CERKL: variants seen among roughly 807,000 people sequenced by gnomAD.
CERKL encodes CERK like autophagy regulator.
CERKL carries 61 observed loss-of-function variants against 63.4 expected under a neutral mutation model. That is an observed-to-expected ratio of 0.96 (90% CI 0.78 to 1.19). CERKL has a LOEUF of 1.19. Among genes scored for constraint, CERKL ranks in the 50% most tolerant of loss-of-function variants. CERKL has a pLI of 0.00. For missense variants in CERKL, 675 were observed against 655.5 expected (o/e 1.03, Z -0.33); for synonymous variants, 250 against 230.5 (o/e 1.08, Z -0.77).
chr2:181,634,330 C>A lies in CERKL; in HGVS notation c.238+22439G>T, dbSNP rs989798656. On this transcript the variant is annotated intron_variant, in intron 1 of 12. Coordinates refer to ENST00000410087, the MANE Select transcript of CERKL (RefSeq NM_201548.5). ...AAACATAAGCATATGTTAAAGAAAT[C>A]TGACACTATCATGGAATCAGTTGGT... Among the ~76,000 whole-genome samples the A allele has an allele frequency of 2.6e-5, 4 of 152,138 alleles. 1 individual carries two copies. The highest frequency in any genetic ancestry group is 9.7e-5 in the African/African-American group (4 of 41,444).
At chr2:181,585,360 G>A (rs539200513) in intron 2 of CERKL, among the ~76,000 whole-genome samples, 8 of 152,118 alleles carry the variant, frequency 5.3e-5, no homozygotes, top group Non-Finnish European at 1.0e-4. Flanking sequence ...TTATAAAGCT[G>A]CGATTTCAAC....
At chr2:181,613,965 T>C (rs1686081697) in intron 1 of CERKL, among the ~76,000 whole-genome samples, 1 of 152,256 alleles carries the variant, frequency 6.6e-6, no homozygotes, top group Admixed American at 6.5e-5. Context: ...GGAATAAAAC[T>C]TGTTAGTATT....
At chr2:181,648,558 G>A (rs909741224) in intron 1 of CERKL, among the ~76,000 whole-genome samples, 1 of 152,178 alleles carries the variant, frequency 6.6e-6, no homozygotes, top group African/African-American at 2.4e-5. Context: ...TGCTACAGCT[G>A]TAAATGAAAA....
intron 11 of CERKL, among the ~76,000 whole-genome samples, chr2:181,543,516 A>G (rs1044942872): frequency 6.6e-6 from 1 of 152,222 alleles, no homozygotes; most frequent in Non-Finnish European, 1.5e-5. Flanking sequence ...CTGACAGATC[A>G]AACTTCATGA....
intron 1 of CERKL, among the ~76,000 whole-genome samples, chr2:181,624,720 G>A (rs534691794): frequency 7.0e-4 from 107 of 152,134 alleles, no homozygotes; most frequent in African/African-American, 2.3e-3. Context: ...TTTGTTGATA[G>A]GTTGGATGTA....
At chr2:181,574,864 C>A (rs1221540796) in intron 2 of CERKL, among the ~76,000 whole-genome samples, 1 of 152,062 alleles carries the variant, frequency 6.6e-6, no homozygotes, top group Non-Finnish European at 1.5e-5. Context: ...ATATTTGATA[C>A]AATAAAGTAT....
At chr2:181,552,887 A>T (rs1015502563) in intron 5 of CERKL, among the ~76,000 whole-genome samples, 2 of 152,082 alleles carry the variant, frequency 1.3e-5, no homozygotes, top group Non-Finnish European at 2.9e-5. Flanking sequence ...TATTTTTAAA[A>T]TGTTGCCTCT....
intron 2 of CERKL, among the ~76,000 whole-genome samples, chr2:181,586,359 A>AT (rs996211307): frequency 5.3e-5 from 8 of 152,280 alleles, no homozygotes; most frequent in African/African-American, 1.7e-4. Context: ...TCAGGTAGTC[A>AT]TGACCTTGCT....
chr2:181,609,714 T>G (rs765539322), intron 1 of CERKL, among the ~76,000 whole-genome samples: 25 of 151,142 alleles, frequency 1.7e-4, no homozygotes, highest in Non-Finnish European at 3.2e-4. Flanking sequence ...AATAAATAAA[T>G]AAATAAATGA....
At chr2:181,540,265 C>T (rs1297549583) in intron 11 of CERKL, among the ~76,000 whole-genome samples, 2 of 152,176 alleles carry the variant, frequency 1.3e-5, no homozygotes, top group Admixed American at 6.5e-5. Context: ...GTTAGACCTC[C>T]TACCTCGGGT....
At chr2:181,648,155 T>C (rs1687746588) in intron 1 of CERKL, among the ~76,000 whole-genome samples, 2 of 152,090 alleles carry the variant, frequency 1.3e-5, no homozygotes, top group South Asian at 2.1e-4. Flanking sequence ...TTGGGGGAGA[T>C]ATAGACATCC....
At chr2:181,640,075 C>T (rs7602326) in intron 1 of CERKL, among the ~76,000 whole-genome samples, 107,264 of 152,016 alleles carry the variant, frequency 0.71, 38,590 homozygotes, top group East Asian at 0.92. Flanking sequence ...AAAACAAAAA[C>T]GCTCACCAAT....
At chr2:181,589,651 C>T (rs1342040258) in intron 2 of CERKL, among the ~76,000 whole-genome samples, 1 of 152,084 alleles carries the variant, frequency 6.6e-6, no homozygotes, top group African/African-American at 2.4e-5. Context: ...TACCTTCTAC[C>T]ATACAAAAAA....
chr2:181,554,466 G>C (rs537339823), intron 5 of CERKL, among the ~76,000 whole-genome samples: 1 of 152,144 alleles, frequency 6.6e-6, no homozygotes, highest in Non-Finnish European at 1.5e-5. Flanking sequence ...AGGAATATAT[G>C]GTTCACAGCC....
Position 181,539,207 on chromosome 2 carries a change from T to C in CERKL, c.1423A>G (p.Asn475Asp). Reference protein sequence around the residue: ...TVEEVKVHPRNNTGGYNPEEE... With the variant: ...TVEEVKVHPRDNTGGYNPEEE... Reference sequence around the variant, plus strand: ...TCTGGATTATATCCACCAGTATTATTCCTTGGATGAACTTTTACTTCCTCA... The same window carrying C: ...TCTGGATTATATCCACCAGTATTATCCCTTGGATGAACTTTTACTTCCTCA... Residue 475 changes from asparagine to aspartate, a missense_variant, in exon 12 of 13, where the codon AAT becomes GAT. Transcript: ENST00000410087. The C allele has an allele frequency of 6.2e-7, 1 of 1,605,756 alleles. No individual in the cohort carries two copies. Among genetic ancestry groups the C allele is most frequent in the Non-Finnish European group, 8.5e-7 (1 of 1,172,592 alleles).
chr2:181,538,567 C>T (rs1402878853), intron 12 of CERKL, among the ~76,000 whole-genome samples: 1 of 152,120 alleles, frequency 6.6e-6, no homozygotes, highest in Non-Finnish European at 1.5e-5. Flanking sequence ...ACAATGCCTA[C>T]CAAGAATGCG....
intron 1 of CERKL, among the ~76,000 whole-genome samples, chr2:181,608,851 C>G (rs958296937): frequency 1.7e-4 from 26 of 152,026 alleles, no homozygotes; most frequent in African/African-American, 6.3e-4. Context: ...AAACTTAATG[C>G]CATTAGGCCT....
chr2:181,574,638 T>C (rs1243573780), intron 2 of CERKL, among the ~76,000 whole-genome samples: 1 of 152,104 alleles, frequency 6.6e-6, no homozygotes, highest in Admixed American at 6.5e-5. Context: ...TTTCTGTTGT[T>C]AGGAAGGGGC....
intron 2 of CERKL, among the ~76,000 whole-genome samples, chr2:181,588,603 T>G (rs1285198018): frequency 6.6e-6 from 1 of 152,196 alleles, no homozygotes; most frequent in Non-Finnish European, 1.5e-5. Flanking sequence ...TTGGATATAT[T>G]CCCAGTCGTG....
Sources: allele counts gnomAD v4.1 joint callset (sites outside exome capture counted in the v4.1 genomes callset), GRCh38; gene constraint gnomAD v4.1.1; transcripts MANE v1.5; gene names NCBI Gene and HGNC (gene_info 2026-07-23, HGNC 2026-07-21).